Variants in MCTP1 observed in about 807,000 individuals in gnomAD.
MCTP1 encodes multiple C2 and transmembrane domain containing 1.
MCTP1 carries 69 observed loss-of-function variants against 120.6 expected under a neutral mutation model. That is an observed-to-expected ratio of 0.57 (90% CI 0.47 to 0.70). MCTP1 has a LOEUF of 0.70. Ranked by LOEUF, MCTP1 falls within the 30% of genes least tolerant of loss-of-function variation. The pLI is 0.00. For synonymous variants in MCTP1, 529 were observed against 493.1 expected, an observed-to-expected ratio of 1.07 and a Z score of -0.96; for missense variants, 1,203 against 1,248.8, an observed-to-expected ratio of 0.96 and a Z score of 0.55.
intron 1 of MCTP1, among the ~76,000 whole-genome samples, chr5:95,025,730 A>C (rs1839138227): frequency 6.6e-6 from 1 of 152,144 alleles, no homozygotes; most frequent in African/African-American, 2.4e-5. Flanking sequence ...TTTTAGATAG[A>C]CTAGTGGCTC....
chr5:94,967,180 A>G (rs2059405940), intron 2 of MCTP1, among the ~76,000 whole-genome samples: 1 of 152,162 alleles, frequency 6.6e-6, no homozygotes, highest in African/African-American at 2.4e-5. Context: ...TTTTTTCTCA[A>G]CCACTGTGTA....
rs67189314 is a variant in MCTP1, at chr5:94,954,183, C to CATATATATATATATATATATAT, written c.839-844_839-823dup. Among the ~76,000 whole-genome samples the CATATATATATATATATATATAT allele has an allele frequency of 1.9e-4, 11 of 57,808 alleles. 1 individual carries two copies. The highest frequency in any genetic ancestry group is 3.6e-4 in the Non-Finnish European group (11 of 30,860). The allele number at this position is 57,808 out of a possible 152,430, so 37.9% of individuals were successfully genotyped here. On this transcript the variant is annotated intron_variant, in intron 2 of 22. Coordinates refer to ENST00000515393, the MANE Select transcript of MCTP1 (RefSeq NM_024717.7). ...GCATATATATACATATATATATATG[C>CATATATATATATATATATATAT]ATATATATATATATATATATATGCC... is the stretch of plus-strand genomic sequence containing the variant.
chr5:95,212,100 C>A lies in MCTP1; in HGVS notation c.720+71756G>T, dbSNP rs570454682. Among the ~76,000 whole-genome samples, 46 of 152,034 alleles carry A rather than the reference C, an allele frequency of 3.0e-4. No homozygotes were observed. The South Asian group carries it at 8.7e-3, about 29-fold the overall frequency. On this transcript the variant is annotated intron_variant, in intron 1 of 22. Coordinates refer to ENST00000515393, the MANE Select transcript of MCTP1 (RefSeq NM_024717.7). ...GGAGTTGGTTTTTTGAAAGGATCAA[C>A]AAAATTGACAGACTGCTAGCAAGAC...
At chr5:94,713,911 C>T (rs940711758) in intron 20 of MCTP1, among the ~76,000 whole-genome samples, 1 of 151,918 alleles carries the variant, frequency 6.6e-6, no homozygotes, top group African/African-American at 2.4e-5. Context: ...AAACTTCTGG[C>T]TATGAATAAC....
chr5:95,051,908 G>T (rs1746025488), intron 1 of MCTP1, among the ~76,000 whole-genome samples: 1 of 152,086 alleles, frequency 6.6e-6, no homozygotes, highest in African/African-American at 2.4e-5. Context: ...AGGAAGGAAA[G>T]GATGGAAAAA....
chr5:95,109,844 A>G (rs941946945), intron 1 of MCTP1, among the ~76,000 whole-genome samples: 2 of 152,206 alleles, frequency 1.3e-5, no homozygotes, highest in African/African-American at 4.8e-5. Flanking sequence ...AAAACAAGTC[A>G]TAAGTGCTTT....
At chr5:95,196,795 T>C (rs926758715) in intron 1 of MCTP1, among the ~76,000 whole-genome samples, 3 of 152,172 alleles carry the variant, frequency 2.0e-5, no homozygotes, top group African/African-American at 7.2e-5. Context: ...TAAACATCAG[T>C]GGACTGAATC....
chr5:95,198,126 T>C (rs1750598571), intron 1 of MCTP1, among the ~76,000 whole-genome samples: 1 of 152,126 alleles, frequency 6.6e-6, no homozygotes, highest in Admixed American at 6.5e-5. Flanking sequence ...TACATATATA[T>C]GTGTGTGTAT....
At chr5:94,715,048 G>A (rs1758574233) in intron 19 of MCTP1, among the ~76,000 whole-genome samples, 162 bp from the exon 20 acceptor site, 1 of 152,002 alleles carries the variant, frequency 6.6e-6, no homozygotes, top group Admixed American at 6.6e-5. Context: ...GGATTTAAAG[G>A]AAGATGAGGA....
At chr5:95,249,377 C>T (rs1757149828) in intron 1 of MCTP1, among the ~76,000 whole-genome samples, 2 of 152,238 alleles carry the variant, frequency 1.3e-5, no homozygotes, top group South Asian at 4.2e-4. Context: ...CAAAAGAAGA[C>T]ATTTATGTGG....
chr5:95,210,968 A>C (rs1249825465), intron 1 of MCTP1, among the ~76,000 whole-genome samples: 3 of 152,014 alleles, frequency 2.0e-5, no homozygotes, highest in Non-Finnish European at 4.4e-5. Flanking sequence ...TTCTGGGTTG[A>C]AAATTCTTTT....
chr5:94,777,407 A>G (rs1416904526), intron 19 of MCTP1, among the ~76,000 whole-genome samples: 1 of 152,176 alleles, frequency 6.6e-6, no homozygotes, highest in South Asian at 2.1e-4. Context: ...TCTCCATTAA[A>G]AATGGCCATA....
At chr5:95,170,173 G>A (rs183079784) in intron 1 of MCTP1, among the ~76,000 whole-genome samples, 16 of 152,334 alleles carry the variant, frequency 1.1e-4, no homozygotes, top group African/African-American at 3.6e-4. Context: ...TATGTAGCCA[G>A]TAGTCATTCA....
At chr5:94,774,736 A>G (rs2152919335) in intron 19 of MCTP1, among the ~76,000 whole-genome samples, 1 of 152,358 alleles carries the variant, frequency 6.6e-6, no homozygotes, top group Admixed American at 6.5e-5. Flanking sequence ...ATAGCAAACA[A>G]ATAAATGAAA....
intron 17 of MCTP1, among the ~76,000 whole-genome samples, chr5:94,851,538 C>T (rs1793698145): frequency 6.6e-6 from 1 of 151,960 alleles, no homozygotes; most frequent in Non-Finnish European, 1.5e-5. Flanking sequence ...AAAGATGTTC[C>T]ACACATCCTT....
intron 17 of MCTP1, among the ~76,000 whole-genome samples, chr5:94,820,734 G>A (rs1785446589): frequency 6.6e-6 from 1 of 152,158 alleles, no homozygotes; most frequent in Non-Finnish European, 1.5e-5. Flanking sequence ...GCTGCCCAGT[G>A]CCTATCAAAA....
rs538865033 is a variant in MCTP1 at position 95,155,584 on chromosome 5, C to CA, written c.720+128271dup. Among the ~76,000 whole-genome samples the CA allele has an allele frequency of 8.1e-3, 1,178 of 145,348 alleles. 7 individuals are homozygous for CA. Among genetic ancestry groups the CA allele is most frequent in the Middle Eastern group, 0.014 (4 of 286 alleles). On this transcript the variant is annotated intron_variant, in intron 1 of 22. Coordinates refer to ENST00000515393, the MANE Select transcript of MCTP1 (RefSeq NM_024717.7). The stretch of plus-strand genomic sequence containing the variant: ...TTGAGCACCAAAATGAAGTCTGTAA[C>CA]AAAAAAAAAAGTAAAGAGTTACAAT...
chr5:95,050,475 G>C (rs1745606810), intron 1 of MCTP1, among the ~76,000 whole-genome samples: 1 of 152,146 alleles, frequency 6.6e-6, no homozygotes, highest in South Asian at 2.1e-4. Context: ...GAAGCCATCG[G>C]ACATCACCAG....
intron 20 of MCTP1, among the ~76,000 whole-genome samples, chr5:94,713,872 A>G (rs914196169): frequency 3.9e-5 from 6 of 152,196 alleles, no homozygotes; most frequent in African/African-American, 7.2e-5. Context: ...TTCAAATTCT[A>G]TGTATGCCCA....
Sources: allele counts gnomAD v4.1 joint callset (sites outside exome capture counted in the v4.1 genomes callset), GRCh38; gene constraint gnomAD v4.1.1; transcripts MANE v1.5; gene names NCBI Gene and HGNC (gene_info 2026-07-23, HGNC 2026-07-21).